The following INPP5J variants were observed in gnomAD, a reference collection of about 807,000 sequenced individuals.
The protein encoded by INPP5J is inositol polyphosphate-5-phosphatase J, also known as phosphatidylinositol 4,5-bisphosphate 5-phosphatase A.
Under a neutral mutation model 86.6 loss-of-function variants are expected in INPP5J, and 75 were observed. The observed-to-expected ratio is 0.87, with a 90% confidence interval of 0.72 to 1.05. INPP5J has a LOEUF of 1.05. Ranked by LOEUF, INPP5J falls within the 50% of genes least tolerant of loss-of-function variation. The pLI is 0.00. For synonymous variants in INPP5J, 540 were observed against 550.0 expected (o/e 0.98, Z 0.25); for missense variants, 1,229 against 1,341.2 (o/e 0.92, Z 1.31).
intron 9 of INPP5J, among the ~76,000 whole-genome samples, chr22:31,128,895 A>C (rs1162033388): frequency 1.3e-5 from 2 of 151,350 alleles, no homozygotes; most frequent in Non-Finnish European, 2.9e-5. Context: ...ATTTGAACCC[A>C]AGTGAGTCTG....
rs549971174 is a variant in INPP5J at position 31,124,721 on chromosome 22, G to A, written c.106-124G>A. On this transcript the variant is annotated intron_variant, in intron 1 of 12. Coordinates refer to ENST00000331075, the MANE Select transcript of INPP5J (RefSeq NM_001284285.2). The stretch of plus-strand genomic sequence containing the variant: ...CAGAATAGATTGAAGTGAGATAGTA[G>A]GAAGAACTTCCTTGGAAAGATGTGC... 134 of 825,960 alleles carry A rather than the reference G, an allele frequency of 1.6e-4. 1 individual carries two copies. In the South Asian group the frequency reaches 2.3e-3, roughly 14 times the overall value. The allele number at this position is 825,960 out of a possible 1,614,324, so 51.2% of individuals were successfully genotyped here.
chr22:31,126,913 C>T lies in INPP5J; in HGVS notation c.1495-8C>T, dbSNP rs1315241128. The stretch of plus-strand genomic sequence containing the variant: ...TCTGTCCCCCAGCCACGTGGCCTCC[C>T]GCTGCAGGTGAGTTCGGTGAGGATG... On this transcript the variant is annotated splice_polypyrimidine_tract_variant and splice_region_variant and intron_variant, in intron 4 of 12. Transcript: ENST00000331075. 9 of 1,599,320 alleles carry T rather than the reference C, an allele frequency of 5.6e-6. No homozygotes were observed. The highest frequency in any genetic ancestry group is 6.8e-6 in the Non-Finnish European group (8 of 1,170,558).
Position 31,127,486 on chromosome 22 carries a change from C to T in INPP5J, c.1741C>T (p.Leu581Phe). 1 of 1,613,884 alleles carries T rather than the reference C, an allele frequency of 6.2e-7. No individual in the cohort carries two copies. The highest frequency in any genetic ancestry group is 8.5e-7 in the Non-Finnish European group (1 of 1,179,840). The change falls in exon 6 of 13, where the codon CTC becomes TTC. Residue 581 changes from leucine to phenylalanine, a missense_variant. Coordinates refer to ENST00000331075, the MANE Select transcript of INPP5J (RefSeq NM_001284285.2). Reference sequence around the variant, plus strand: ...AGACAACTTCCAGACCATCCTCAGCCTCCAGCAGTTCCAAGGGCCGGGCGC... The same window carrying T: ...AGACAACTTCCAGACCATCCTCAGCTTCCAGCAGTTCCAAGGGCCGGGCGC... ...RKDNFQTILS[L>F]QQFQGPGAQG...
In INPP5J at chr22:31,123,056, C is replaced by A. The variant is rs745468354; in HGVS notation, c.42C>A (p.Thr14=). ...QSSRGSRRPG[T]RAGLGSLPMP... ...GCAGGGGCAGCAGGAGGCCAGGGAC[C>A]CGGGCTGGCCTGGGTTCCCTGCCCA... The change falls in exon 1 of 13, where the codon ACC becomes ACA. Residue 14 remains threonine, a synonymous_variant. Transcript: ENST00000331075. 1 of 1,480,496 alleles carries A rather than the reference C, an allele frequency of 6.8e-7. No homozygotes were observed. The highest frequency in any genetic ancestry group is 2.8e-5 in the Admixed American group (1 of 35,916). 91.7% of individuals were successfully genotyped at this position (1,480,496 alleles called of 1,614,324 possible). A position where few individuals can be genotyped will look rare whatever the true frequency, so the allele number is the denominator to read the frequency against.
chr22:31,133,992 C>T lies in INPP5J; in HGVS notation c.2594C>T (p.Thr865Ile). ...GTSSEGEDDS[T>I]LELLAPKSRS... ...AGCTCAGAGGGAGAGGATGACAGCA[C>T]ACTGGAGCTCCTTGCACCCAAGTCC... is the stretch of plus-strand genomic sequence containing the variant. The change falls in exon 13 of 13, where the codon ACA (threonine) becomes ATA (isoleucine). Residue 865 changes from threonine (T) to isoleucine (I), a missense_variant. By Grantham distance (89) the Thr-to-Ile change is moderately conservative. Coordinates refer to ENST00000331075, the MANE Select transcript of INPP5J (RefSeq NM_001284285.2). The T allele has an allele frequency of 6.2e-7, 1 of 1,612,850 alleles. No homozygotes were observed. The highest frequency in any genetic ancestry group is 8.5e-7 in the Non-Finnish European group (1 of 1,179,760).
chr22:31,131,983 G>C (rs1373771792), intron 9 of INPP5J, among the ~76,000 whole-genome samples: 1 of 152,228 alleles, frequency 6.6e-6, no homozygotes, highest in Non-Finnish European at 1.5e-5. Flanking sequence ...GGACAGAGGT[G>C]GGGTCAATAT....
At chr22:31,126,847 G>A in intron 4 of INPP5J, 74 bp from the exon 5 acceptor site, 1 of 1,420,530 alleles carries the variant, frequency 7.0e-7, no homozygotes, top group East Asian at 2.3e-5. Context: ...GTGGGTGGAG[G>A]AGCAGACCTG....
intron 6 of INPP5J, 186 bp downstream of exon 6, chr22:31,127,718 C>T: frequency 1.4e-6 from 1 of 724,168 alleles, no homozygotes; most frequent in South Asian, 1.9e-5. Context: ...TAGGGTGGAG[C>T]TTTGCTGAGG....
At position 31,125,080 on chromosome 22, in the gene INPP5J, T is replaced by TG; in HGVS notation, c.343dup (p.Val115GlyfsTer78). 3.9e-6 allele frequency: 6 copies of TG among 1,549,722 alleles called. No individual in the cohort carries two copies. Among genetic ancestry groups the TG allele is most frequent in the Non-Finnish European group, 5.2e-6 (6 of 1,146,984 alleles). The stretch of plus-strand genomic sequence containing the variant: ...CTGGCCCCAACATCTGTGGGCCAGC[T>TG]GGTGATGTCTGCCTCAGCTGGACCA... On this transcript the variant is annotated frameshift_variant, in exon 2 of 13. Transcript: ENST00000331075. LOFTEE classifies it high-confidence loss of function.
At chr22:31,129,700 C>T (rs534156889) in intron 9 of INPP5J, among the ~76,000 whole-genome samples, 59 of 150,594 alleles carry the variant, frequency 3.9e-4, no homozygotes, top group East Asian at 2.8e-3. Context: ...CCCGCCACCA[C>T]GCCTGGCTAA....
chr22:31,132,573 C>G (rs1922149283), intron 9 of INPP5J, among the ~76,000 whole-genome samples: 1 of 152,014 alleles, frequency 6.6e-6, no homozygotes, highest in Non-Finnish European at 1.5e-5. Context: ...AACGCTGCCT[C>G]TACTAAAAAT....
intron 3 of INPP5J, 50 bp downstream of exon 3, chr22:31,126,539 G>A (rs546643505): frequency 1.1e-5 from 18 of 1,600,290 alleles, no homozygotes; most frequent in African/African-American, 2.7e-5. Flanking sequence ...CGGGCCTTCC[G>A]GGCCCTCCAC....
rs1409825720 is a variant in INPP5J at position 31,133,632 on chromosome 22, T to C, written c.2432T>C (p.Leu811Pro). The C allele has an allele frequency of 4.3e-6, 7 of 1,612,450 alleles. No homozygotes were observed. Among genetic ancestry groups the C allele is most frequent in the African/African-American group, 1.3e-5 (1 of 75,004 alleles). The change falls in exon 12 of 13, where the codon CTG becomes CCG. Residue 811 changes from leucine (L) to proline (P), a missense_variant. Transcript: ENST00000331075. Reference sequence around the variant, plus strand: ...CAGGTAACATTCAGTGAGGAATCACTGCCCAAGGGCCATGGAGACTTCATC... The same window carrying C: ...CAGGTAACATTCAGTGAGGAATCACCGCCCAAGGGCCATGGAGACTTCATC... ...TYQVTFSEES[L>P]PKGHGDFILG...
Position 31,125,355 on chromosome 22 carries a change from C to T in INPP5J, c.616C>T (p.Pro206Ser). The T allele has an allele frequency of 6.4e-7, 1 of 1,550,548 alleles. No individual in the cohort carries two copies. Among genetic ancestry groups the T allele is most frequent in the South Asian group, 1.2e-5 (1 of 84,050 alleles). ...ACTCCCCTCCACCCCTTCCCCGGTG[C>T]CCAGTCCAGTTCTGTCTCCAACTCA... The part of the protein sequence containing the change: ...PELPSTPSPV[P>S]SPVLSPTQEQ... The change falls in exon 2 of 13, where the codon CCC becomes TCC. Residue 206 changes from proline to serine, a missense_variant. By Grantham distance (74) the Pro-to-Ser change is moderately conservative. Coordinates refer to ENST00000331075, the MANE Select transcript of INPP5J (RefSeq NM_001284285.2).
At chr22:31,126,538 C>G (rs374481759) in intron 3 of INPP5J, 49 bp downstream of exon 3, 1 of 1,599,050 alleles carries the variant, frequency 6.3e-7, no homozygotes. Context: ...TCGGGCCTTC[C>G]GGGCCCTCCA....
chr22:31,127,385 T>G lies in INPP5J; in HGVS notation c.1640T>G (p.Leu547Arg), dbSNP rs907347759. 6.2e-7 allele frequency: 1 copy of G among 1,613,228 alleles called. No individual in the cohort carries two copies. Among genetic ancestry groups the G allele is most frequent in the Non-Finnish European group, 8.5e-7 (1 of 1,179,582 alleles). The change falls in exon 6 of 13, where the codon CTG becomes CGG. Residue 547 changes from leucine to arginine, a missense_variant. Physicochemically the swap from Leu to Arg is moderately radical, Grantham distance 102. Transcript: ENST00000331075. ...AACAAGGGTGGCGTGAGCGTGCGCC[T>G]GGCGGCCTTCGGGCACATGCTCTGC... ...WGNKGGVSVR[L>R]AAFGHMLCFL... is the part of the protein sequence containing the mutation.
chr22:31,133,440 A>G lies in INPP5J; in HGVS notation c.2366A>G (p.Tyr789Cys). Residue 789 changes from tyrosine to cysteine, a missense_variant, in exon 11 of 13, where the codon TAT becomes TGT. By Grantham distance (194) the Tyr-to-Cys change is radical. Transcript: ENST00000331075. ...CGCCATTGCAAGGACTATGTGGCTT[A>G]TGTCTGGGCCAAACATGAAGATGTG... ...GFRHCKDYVA[Y>C]VWAKHEDVDG... 6.2e-7 allele frequency: 1 copy of G among 1,613,926 alleles called. No individual in the cohort carries two copies. The highest frequency in any genetic ancestry group is 2.2e-5 in the East Asian group (1 of 44,886).
At position 31,134,287 on chromosome 22, in the gene INPP5J, C is replaced by G; in HGVS notation, c.2889C>G (p.Ala963=). The change falls in exon 13 of 13, where the codon GCC becomes GCG. Residue 963 remains alanine, a synonymous_variant. Coordinates refer to ENST00000331075, the MANE Select transcript of INPP5J (RefSeq NM_001284285.2). Reference sequence around the variant, plus strand: ...CTCGAAGCCTGGGCCTGTTGCCCGCCTTGCGCCTAGAGACTGTAGACCCTG... The same window carrying G: ...CTCGAAGCCTGGGCCTGTTGCCCGCGTTGCGCCTAGAGACTGTAGACCCTG... ...AVPRSLGLLP[A]LRLETVDPGG... is the part of the protein sequence containing the mutation. 3.2e-6 allele frequency: 5 copies of G among 1,554,876 alleles called. No individual in the cohort carries two copies. Among genetic ancestry groups the G allele is most frequent in the Non-Finnish European group, 4.3e-6 (5 of 1,149,854 alleles).
At chr22:31,132,964 C>T in intron 9 of INPP5J, 134 bp from the exon 10 acceptor site, 4 of 1,187,326 alleles carry the variant, frequency 3.4e-6, no homozygotes, top group Non-Finnish European at 4.7e-6. Context: ...TAGACCTGTT[C>T]TGCCTCAGTT....
Sources: allele counts gnomAD v4.1 joint callset (sites outside exome capture counted in the v4.1 genomes callset), GRCh38; gene constraint gnomAD v4.1.1; transcripts MANE v1.5; gene names NCBI Gene and HGNC (gene_info 2026-07-23, HGNC 2026-07-21).